The following DLGAP2 variants were observed in gnomAD, a reference collection of about 807,000 sequenced individuals.
DLGAP2 encodes disks large-associated protein 2.
A neutral mutation model predicts 100.3 loss-of-function variants in DLGAP2; 26 were observed. That is an observed-to-expected ratio of 0.26 (90% confidence interval 0.19 to 0.36). The LOEUF is 0.36. DLGAP2 is among the 10% of genes least tolerant of loss of function. The pLI is 1.00. For missense variants in DLGAP2, 1,858 were observed against 1,453.2 expected (o/e 1.28, Z -4.53); for synonymous variants, 886 against 630.1 (o/e 1.41, Z -6.08).
At chr8:1,357,401 CT>C (rs5888828) in intron 3 of DLGAP2, among the ~76,000 whole-genome samples, 17,292 of 144,424 alleles carry the variant, frequency 0.12, 1,404 homozygotes, top group East Asian at 0.31. Flanking sequence ...GGTGCCAAAT[CT>C]TTTTTTTTTT....
At chr8:1,071,431 C>T (rs1436869910) in intron 2 of DLGAP2, among the ~76,000 whole-genome samples, 1 of 152,150 alleles carries the variant, frequency 6.6e-6, no homozygotes, top group Non-Finnish European at 1.5e-5. Flanking sequence ...CTGGGTGGGG[C>T]TGTGCTAGCC....
At chr8:812,724 G>C (rs943113735) in intron 1 of DLGAP2, among the ~76,000 whole-genome samples, 1 of 152,108 alleles carries the variant, frequency 6.6e-6, no homozygotes, top group African/African-American at 2.4e-5. Flanking sequence ...ATAAGGACGG[G>C]GATAACAGAT....
intron 3 of DLGAP2, among the ~76,000 whole-genome samples, chr8:1,354,905 AT>A (rs1801813444): frequency 7.6e-6 from 1 of 131,506 alleles, no homozygotes; most frequent in African/African-American, 2.8e-5. Context: ...GATGCTGCGG[AT>A]GAGGGTGGAA....
rs141274820 is a variant in DLGAP2, at chr8:981,075, T to G, written c.73+73109T>G. On this transcript the variant is annotated intron_variant, in intron 2 of 14. Coordinates refer to ENST00000637795, the MANE Select transcript of DLGAP2 (RefSeq NM_001346810.2). ...AACTCTATCCCTGGTGAAGACTGGC[T>G]TCCTGTCCCCTGCCCCAGACCCTGC... Among the ~76,000 whole-genome samples, 1,317 of 152,286 alleles carry G rather than the reference T, an allele frequency of 8.6e-3. 14 individuals carry two copies. The highest frequency in any genetic ancestry group is 0.017 in the Middle Eastern group (5 of 294).
At chr8:784,874 G>A (rs1176311561) in intron 1 of DLGAP2, among the ~76,000 whole-genome samples, 1 of 152,090 alleles carries the variant, frequency 6.6e-6, no homozygotes, top group Non-Finnish European at 1.5e-5. Context: ...ACCTCAGGAG[G>A]TGTGAGAAGA....
At chr8:1,604,019 G>A (rs926965291) in intron 6 of DLGAP2, among the ~76,000 whole-genome samples, 1 of 152,110 alleles carries the variant, frequency 6.6e-6, no homozygotes, top group Non-Finnish European at 1.5e-5. Flanking sequence ...GCCAGCTGCG[G>A]CCACACATTT....
At chr8:1,526,318 C>A (rs576613156) in intron 4 of DLGAP2, among the ~76,000 whole-genome samples, 51 of 152,092 alleles carry the variant, frequency 3.4e-4, no homozygotes, top group African/African-American at 1.2e-3. Context: ...CTACCTCTTA[C>A]CTGCACGCCT....
intron 1 of DLGAP2, among the ~76,000 whole-genome samples, chr8:743,440 A>G (rs1021960797): frequency 5.9e-5 from 9 of 152,228 alleles, no homozygotes; most frequent in African/African-American, 1.9e-4. Flanking sequence ...TGTGTAATAT[A>G]TAACAGTTAA....
chr8:829,743 T>C (rs2132699366), intron 1 of DLGAP2, among the ~76,000 whole-genome samples: 1 of 152,368 alleles, frequency 6.6e-6, no homozygotes, highest in South Asian at 2.1e-4. Context: ...CCATATTTTC[T>C]ATGTTCGTAG....
intron 2 of DLGAP2, among the ~76,000 whole-genome samples, chr8:1,170,277 C>T (rs1054911043): frequency 2.6e-5 from 4 of 152,038 alleles, no homozygotes; most frequent in African/African-American, 7.2e-5. Context: ...CTGCTGGATT[C>T]GTTTTGCCAG....
chr8:1,012,790 G>T (rs1801334883), intron 2 of DLGAP2, among the ~76,000 whole-genome samples: 2 of 146,650 alleles, frequency 1.4e-5, no homozygotes, highest in Admixed American at 1.4e-4. Context: ...TTCAGCGGCA[G>T]TGTGGACACC....
intron 8 of DLGAP2, among the ~76,000 whole-genome samples, chr8:1,652,808 G>C (rs71518082): frequency 1.3e-5 from 2 of 151,530 alleles, no homozygotes; most frequent in African/African-American, 4.9e-5. Context: ...ACCAGCTGGC[G>C]AACCAAAATG....
intron 4 of DLGAP2, among the ~76,000 whole-genome samples, chr8:1,545,804 A>T (rs1204469120): frequency 6.6e-6 from 1 of 152,228 alleles, no homozygotes; most frequent in Non-Finnish European, 1.5e-5. Flanking sequence ...ATTTCAGTTA[A>T]ATTTTATCTT....
intron 4 of DLGAP2, among the ~76,000 whole-genome samples, chr8:1,535,007 G>T (rs1043554026): frequency 1.3e-5 from 2 of 152,210 alleles, no homozygotes; most frequent in African/African-American, 4.8e-5. Context: ...CACTGTTTTC[G>T]TGTCCCAAGC....
chr8:1,136,774 G>C (rs1796423140), intron 2 of DLGAP2, among the ~76,000 whole-genome samples: 1 of 152,226 alleles, frequency 6.6e-6, no homozygotes, highest in Non-Finnish European at 1.5e-5. Flanking sequence ...GAGCACACGG[G>C]GCGTGTTGGT....
intron 3 of DLGAP2, chr8:1,373,633 GCT>G (rs1360110522): frequency 6.6e-6 from 1 of 152,188 alleles, no homozygotes; most frequent in Non-Finnish European, 1.5e-5. Context: ...GCTTCCTCTC[GCT>G]GAAGGGGTTC....
intron 2 of DLGAP2, among the ~76,000 whole-genome samples, chr8:1,121,653 C>A (rs1796051316): frequency 6.6e-6 from 1 of 152,024 alleles, no homozygotes; most frequent in Admixed American, 6.5e-5. Context: ...ATCACCCATC[C>A]TCATGTCTTC....
At chr8:1,617,731 C>G (rs141702666) in intron 6 of DLGAP2, among the ~76,000 whole-genome samples, 40 of 152,206 alleles carry the variant, frequency 2.6e-4, no homozygotes, top group African/African-American at 9.1e-4. Context: ...ATCCCATTAT[C>G]TACCATAATG....
chr8:1,431,418 T>C (rs7827241), intron 3 of DLGAP2, among the ~76,000 whole-genome samples: 32,403 of 152,264 alleles, frequency 0.21, 3,870 homozygotes, highest in Middle Eastern at 0.29. Context: ...CAGCACTGTG[T>C]CAAGCTCAGT....
Sources: allele counts gnomAD v4.1 joint callset (sites outside exome capture counted in the v4.1 genomes callset), GRCh38; gene constraint gnomAD v4.1.1; transcripts MANE v1.5; gene names NCBI Gene and HGNC (gene_info 2026-07-23, HGNC 2026-07-21).